Variants in VPS13B observed in about 807,000 individuals in gnomAD.
The protein encoded by VPS13B is intermembrane lipid transfer protein VPS13B.
Under a neutral mutation model 426.4 loss-of-function variants are expected in VPS13B, and 285 were observed. The observed-to-expected ratio is 0.67, with a 90% confidence interval of 0.61 to 0.74. The LOEUF is 0.74. VPS13B is among the 30% of genes least tolerant of loss of function. VPS13B has a pLI of 0.00. For synonymous variants in VPS13B, 1,676 were observed against 1,676.4 expected (o/e 1.00, Z 0.01); for missense variants, 4,537 against 4,782.6 (o/e 0.95, Z 1.51).
At chr8:99,255,677 C>A (rs1817709060) in intron 17 of VPS13B, among the ~76,000 whole-genome samples, 1 of 152,026 alleles carries the variant, frequency 6.6e-6, no homozygotes, top group Admixed American at 6.6e-5. Context: ...CTCAGTGAGG[C>A]CTCTGTTGAT....
intron 54 of VPS13B, among the ~76,000 whole-genome samples, chr8:99,838,585 G>T (rs970739042): frequency 6.6e-6 from 1 of 152,158 alleles, no homozygotes. Context: ...TTATAACTTG[G>T]TACTGGCACC....
At chr8:99,191,888 A>G (rs1426032783) in intron 16 of VPS13B, among the ~76,000 whole-genome samples, 5 of 152,172 alleles carry the variant, frequency 3.3e-5, no homozygotes, top group Admixed American at 2.6e-4. Context: ...TCTCCATAGC[A>G]GCGGCCAGAA....
intron 19 of VPS13B, among the ~76,000 whole-genome samples, chr8:99,372,548 C>G (rs1259570150): frequency 6.6e-6 from 1 of 152,102 alleles, no homozygotes; most frequent in South Asian, 2.1e-4. Context: ...ATGTGGCCAA[C>G]AAACATATGA....
At chr8:99,721,188 G>A in intron 39 of VPS13B, 141 bp downstream of exon 39, 1 of 864,046 alleles carries the variant, frequency 1.2e-6, no homozygotes, top group Non-Finnish European at 1.9e-6. Flanking sequence ...TGGTGTGTGT[G>A]TATCCACACA....
chr8:99,181,034 A>G (rs192499147), intron 16 of VPS13B, among the ~76,000 whole-genome samples: 1 of 152,198 alleles, frequency 6.6e-6, no homozygotes, highest in African/African-American at 2.4e-5. Context: ...AAGCATGAAT[A>G]TCTTTTACTC....
chr8:99,275,335 ATT>A (rs200867011), intron 19 of VPS13B, 81 bp downstream of exon 19: 950 of 928,912 alleles, frequency 1.0e-3, no homozygotes, highest in South Asian at 1.5e-3. Flanking sequence ...ATTGGTATAT[ATT>A]TTTTTTTTTT....
chr8:99,204,694 A>G (rs1264867892), intron 17 of VPS13B, among the ~76,000 whole-genome samples: 6 of 152,218 alleles, frequency 3.9e-5, no homozygotes, highest in Non-Finnish European at 5.9e-5. Context: ...AGTGTGCAAA[A>G]GATATGAACA....
chr8:99,750,881 T>C (rs1810359106), intron 39 of VPS13B, among the ~76,000 whole-genome samples: 1 of 152,132 alleles, frequency 6.6e-6, no homozygotes, highest in Non-Finnish European at 1.5e-5. Context: ...GTGAGTAGTT[T>C]TGAAAGATGG....
intron 43 of VPS13B, among the ~76,000 whole-genome samples, chr8:99,807,864 A>G (rs976575030): frequency 6.9e-6 from 1 of 144,444 alleles, no homozygotes; most frequent in Non-Finnish European, 1.5e-5. Context: ...AAAATAATGT[A>G]TTCAGATTTA....
chr8:99,156,538 T>C lies in VPS13B; in HGVS notation c.2014-11T>C. Reference sequence around the variant, plus strand: ...CTTTTAAAATATAAAGCGAACACTATTATTTTCTAGAACTCAAGTAACTTC... The same window carrying C: ...CTTTTAAAATATAAAGCGAACACTACTATTTTCTAGAACTCAAGTAACTTC... On this transcript the variant is annotated splice_polypyrimidine_tract_variant and intron_variant, in intron 14 of 61. Coordinates refer to ENST00000357162, the MANE Select transcript of VPS13B (RefSeq NM_152564.5). The C allele has an allele frequency of 6.2e-7, 1 of 1,613,642 alleles. No homozygotes were observed. The highest frequency in any genetic ancestry group is 1.1e-5 in the South Asian group (1 of 91,072).
intron 33 of VPS13B, among the ~76,000 whole-genome samples, chr8:99,618,722 T>C (rs1347142842): frequency 6.6e-6 from 1 of 152,192 alleles, no homozygotes; most frequent in Non-Finnish European, 1.5e-5. Context: ...AAACCCTTCA[T>C]TCGCCTCTGA....
chr8:99,793,675 AT>A (rs1203426555), intron 43 of VPS13B, among the ~76,000 whole-genome samples: 2 of 152,138 alleles, frequency 1.3e-5, no homozygotes, highest in African/African-American at 4.8e-5. Context: ...GAGTAGGACA[AT>A]GTTTGAGAGA....
intron 13 of VPS13B, among the ~76,000 whole-genome samples, chr8:99,146,118 G>A (rs1266786751): frequency 2.1e-5 from 3 of 146,110 alleles, no homozygotes; most frequent in Non-Finnish European, 4.5e-5. Context: ...TATTTCTTCA[G>A]TGAACTGCAT....
chr8:99,559,839 G>A (rs970581733), intron 31 of VPS13B, among the ~76,000 whole-genome samples: 15 of 152,220 alleles, frequency 9.9e-5, no homozygotes, highest in South Asian at 4.1e-4. Flanking sequence ...GTCAGGTAGC[G>A]TGATGCCTCC....
chr8:99,478,452 T>TTTTTTTTTTTTTG (rs1819838860), intron 24 of VPS13B, among the ~76,000 whole-genome samples: 1 of 86,182 alleles, frequency 1.2e-5, no homozygotes, highest in Admixed American at 1.4e-4. Flanking sequence ...GTTTTGTTTT[T>TTTTTTTTTTTTTG]TTTTTTTTTT....
chr8:99,265,814 A>T (rs1388815367), intron 17 of VPS13B, among the ~76,000 whole-genome samples: 1 of 152,192 alleles, frequency 6.6e-6, no homozygotes, highest in South Asian at 2.1e-4. Flanking sequence ...ACCCACAGGC[A>T]CTTTTCTCTG....
intron 19 of VPS13B, among the ~76,000 whole-genome samples, chr8:99,334,504 T>C (rs567689871): frequency 3.9e-5 from 6 of 152,092 alleles, no homozygotes; most frequent in Admixed American, 3.3e-4. Flanking sequence ...CATAGATAGC[T>C]CTTATTATTT....
chr8:99,820,236 G>A, intron 49 of VPS13B, 114 bp downstream of exon 49: 2 of 974,686 alleles, frequency 2.1e-6, no homozygotes, highest in Non-Finnish European at 3.1e-6. Context: ...ATTCTTCTTA[G>A]ATGCATATGT....
At position 99,203,172 on chromosome 8, in the gene VPS13B, G is replaced by A. The variant is rs578035603; in HGVS notation, c.2515+10115G>A. ...CAAAAAGCTTATCCACGACGATCAA[G>A]TCGGCTTCATCCCTGGGATGTAAGG... is the stretch of plus-strand genomic sequence containing the variant. On this transcript the variant is annotated intron_variant, in intron 17 of 61. Coordinates refer to ENST00000357162, the MANE Select transcript of VPS13B (RefSeq NM_152564.5). 2.6e-5 allele frequency among the ~76,000 whole-genome samples: 4 copies of A among 152,218 alleles called. No individual in the cohort carries two copies. The East Asian group carries it at 7.7e-4, about 29-fold the overall frequency.
Sources: allele counts gnomAD v4.1 joint callset (sites outside exome capture counted in the v4.1 genomes callset), GRCh38; gene constraint gnomAD v4.1.1; transcripts MANE v1.5; gene names NCBI Gene and HGNC (gene_info 2026-07-23, HGNC 2026-07-21).